The following UTRN variants were observed in gnomAD, a reference collection of about 807,000 sequenced individuals.
UTRN encodes the protein dystrophin-related protein 1.
UTRN carries 283 observed loss-of-function variants against 463.9 expected under a neutral mutation model. The observed-to-expected ratio is 0.61, with a 90% confidence interval of 0.55 to 0.67. UTRN has a LOEUF of 0.67. Among genes scored for constraint, UTRN ranks in the 30% least tolerant of loss-of-function variants. The probability of loss-of-function intolerance (pLI) is 0.00; values close to 1 mark genes in which losing one functional copy is unlikely to be tolerated. For synonymous variants in UTRN, 1,442 were observed against 1,431.5 expected (o/e 1.01, Z -0.17); for missense variants, 3,922 against 4,084.3 (o/e 0.96, Z 1.08).
chr6:144,410,512 C>T (rs1157300625), intron 3 of UTRN, among the ~76,000 whole-genome samples: 1 of 151,828 alleles, frequency 6.6e-6, no homozygotes, highest in Non-Finnish European at 1.5e-5. Flanking sequence ...TTTGATGCAC[C>T]CATCACCCGA....
At chr6:144,444,500 AAT>A in intron 14 of UTRN, 118 bp downstream of exon 14, 1 of 563,310 alleles carries the variant, frequency 1.8e-6, no homozygotes, top group Non-Finnish European at 2.8e-6. Flanking sequence ...ATATATAAAT[AAT>A]TATTTTAAAG....
chr6:144,551,158 C>T, intron 48 of UTRN, 76 bp downstream of exon 48: 1 of 832,688 alleles, frequency 1.2e-6, no homozygotes, highest in Non-Finnish European at 1.8e-6. Flanking sequence ...CACACACACA[C>T]ACACACACAC....
Position 144,850,893 on chromosome 6 carries a change from A to G in UTRN, c.10294-96A>G, listed in dbSNP as rs951829805. ...AGTCACAGTAGAGTTAAGACTCTTG[A>G]AAGAAGCACTTTTATTTTCTTGAAG... On this transcript the variant is annotated intron_variant, in intron 74 of 74. Coordinates refer to ENST00000367545, the MANE Select transcript of UTRN (RefSeq NM_007124.3). 2.6e-6 allele frequency: 4 copies of G among 1,548,076 alleles called. No homozygotes were observed. The African/African-American group carries it at 5.4e-5, about 21-fold the overall frequency.
intron 57 of UTRN, among the ~76,000 whole-genome samples, chr6:144,756,882 C>T (rs1792052223): frequency 6.6e-6 from 1 of 152,072 alleles, no homozygotes; most frequent in African/African-American, 2.4e-5. Context: ...TATCTCTACA[C>T]ATTTAGTTCC....
In UTRN at chr6:144,438,866, T is replaced by G. The variant is rs148446336; in HGVS notation, c.1363T>G (p.Ser455Ala). 7.4e-6 allele frequency: 12 copies of G among 1,614,008 alleles called. 1 individual carries two copies. In the African/African-American group the frequency reaches 1.2e-4, roughly 16 times the overall value. ...TTGCCCCCTGGATGATGATGTAAAATCTCTACAAAAGCTGCTAGAAGAACA... is the reference window on the plus strand; with the variant it reads ...TTGCCCCCTGGATGATGATGTAAAAGCTCTACAAAAGCTGCTAGAAGAACA... ...ETCPLDDDVK[S>A]LQKLLEEHKS... is the part of the protein sequence containing the mutation. Residue 455 changes from serine to alanine, a missense_variant, in exon 12 of 75, where the codon TCT becomes GCT. Around this residue, in one of 3 missense-constraint regions of UTRN, gnomAD observed 2,349 missense variants for 2,303.8 expected, o/e 1.02. Transcript: ENST00000367545.
chr6:144,407,384 A>G (rs1196119605), intron 3 of UTRN, among the ~76,000 whole-genome samples: 1 of 152,182 alleles, frequency 6.6e-6, no homozygotes, highest in Non-Finnish European at 1.5e-5. Flanking sequence ...TGAGTGCAAC[A>G]TGGCATGAAT....
chr6:144,666,746 G>GA (rs1402676772), intron 51 of UTRN, among the ~76,000 whole-genome samples: 1 of 152,156 alleles, frequency 6.6e-6, no homozygotes, highest in Non-Finnish European at 1.5e-5. Context: ...TCCACATACT[G>GA]AAAATTATAT....
chr6:144,661,984 G>T (rs1169813771), intron 51 of UTRN, among the ~76,000 whole-genome samples: 1 of 151,492 alleles, frequency 6.6e-6, no homozygotes, highest in Non-Finnish European at 1.5e-5. Flanking sequence ...GGCTTGATTT[G>T]GGATTTTTAT....
intron 52 of UTRN, among the ~76,000 whole-genome samples, chr6:144,697,146 A>C (rs1433250184): frequency 1.3e-5 from 2 of 152,194 alleles, no homozygotes; most frequent in Non-Finnish European, 2.9e-5. Context: ...TGTAGTAGAC[A>C]TCATCCTAGG....
At chr6:144,714,949 T>C (rs1019336449) in intron 53 of UTRN, among the ~76,000 whole-genome samples, 19 of 152,204 alleles carry the variant, frequency 1.2e-4, no homozygotes, top group Non-Finnish European at 5.9e-5. Flanking sequence ...CTTTCTCAGT[T>C]TCCCTTCCTG....
At chr6:144,375,505 T>C (rs1295335042) in intron 2 of UTRN, among the ~76,000 whole-genome samples, 1 of 152,224 alleles carries the variant, frequency 6.6e-6, no homozygotes, top group African/African-American at 2.4e-5. Flanking sequence ...ATTATCAATC[T>C]CAAGATCATT....
At chr6:144,379,781 C>T (rs1039550064) in intron 2 of UTRN, among the ~76,000 whole-genome samples, 1 of 152,126 alleles carries the variant, frequency 6.6e-6, no homozygotes, top group Non-Finnish European at 1.5e-5. Context: ...AAGGTTTGGG[C>T]TGGAAATAAG....
At chr6:144,688,361 C>G (rs1460770793) in intron 52 of UTRN, among the ~76,000 whole-genome samples, 1 of 151,932 alleles carries the variant, frequency 6.6e-6, no homozygotes, top group Non-Finnish European at 1.5e-5. Context: ...TATTCTTTAT[C>G]TGGTATTTCC....
At chr6:144,637,210 T>C (rs932985361) in intron 51 of UTRN, among the ~76,000 whole-genome samples, 51 of 152,150 alleles carry the variant, frequency 3.4e-4, no homozygotes, top group Non-Finnish European at 1.0e-4. Context: ...GCTCAAGCAA[T>C]CTAACTGCCT....
At chr6:144,420,953 A>G (rs1292192063) in intron 3 of UTRN, among the ~76,000 whole-genome samples, 3 of 152,098 alleles carry the variant, frequency 2.0e-5, no homozygotes, top group South Asian at 2.1e-4. Context: ...TTTGTCGTTT[A>G]TTGTTCTTTC....
At chr6:144,792,843 A>G (rs1390337061) in intron 62 of UTRN, among the ~76,000 whole-genome samples, 1 of 152,164 alleles carries the variant, frequency 6.6e-6, no homozygotes, top group Non-Finnish European at 1.5e-5. Flanking sequence ...TATAATTTTG[A>G]TCTTCAAAGT....
chr6:144,845,029 T>G (rs1221594290), intron 73 of UTRN, among the ~76,000 whole-genome samples: 1 of 152,256 alleles, frequency 6.6e-6, no homozygotes, highest in Non-Finnish European at 1.5e-5. Context: ...GTTTTTTAAC[T>G]GTGTCTACAC....
intron 2 of UTRN, among the ~76,000 whole-genome samples, chr6:144,357,139 AG>A (rs1778634424): frequency 6.6e-6 from 1 of 152,128 alleles, no homozygotes; most frequent in Non-Finnish European, 1.5e-5. Flanking sequence ...AGACTGTTGG[AG>A]CACATGGGTG....
intron 2 of UTRN, 90 bp from the exon 3 acceptor site, chr6:144,403,033 C>T: frequency 1.7e-6 from 2 of 1,202,610 alleles, no homozygotes. Context: ...CTATTTTAAA[C>T]TCTCCAGGAT....
Sources: gnomAD v4.1 joint callset for allele counts (sites outside exome capture counted in the v4.1 genomes callset) on GRCh38, gnomAD v4.1.1 for gene constraint, gnomAD v4.1.1 regional missense constraint, MANE v1.5 for transcripts, NCBI Gene and HGNC (gene_info 2026-07-23, HGNC 2026-07-21) for gene names.